The following CLNK variants were observed in gnomAD, a reference collection of about 807,000 sequenced individuals.
CLNK encodes the protein cytokine-dependent hematopoietic cell linker.
CLNK carries 74 observed loss-of-function variants against 68.6 expected under a neutral mutation model. The observed-to-expected ratio is 1.08, with a 90% CI of 0.89 to 1.31. The LOEUF is 1.31. CLNK is among the 50% of genes most tolerant of loss of function. The probability of loss-of-function intolerance (pLI) is 0.00; values close to 1 mark genes in which losing one functional copy is unlikely to be tolerated. For synonymous variants in CLNK, 198 were observed against 172.2 expected (o/e 1.15, Z -1.17); for missense variants, 553 against 515.3 (o/e 1.07, Z -0.71).
intron 14 of CLNK, among the ~76,000 whole-genome samples, chr4:10,523,446 G>T (rs544087572): frequency 1.3e-5 from 2 of 152,120 alleles, no homozygotes; most frequent in African/African-American, 2.4e-5. Flanking sequence ...ATGTGATTAC[G>T]CAGGCCTTAG....
chr4:10,544,395 A>G (rs1032939375), intron 8 of CLNK, among the ~76,000 whole-genome samples: 2 of 152,248 alleles, frequency 1.3e-5, no homozygotes, highest in Non-Finnish European at 2.9e-5. Context: ...TATAACACCA[A>G]CAAATAAAGT....
chr4:10,665,959 G>A (rs1274348034), intron 2 of CLNK, among the ~76,000 whole-genome samples: 5 of 152,156 alleles, frequency 3.3e-5, no homozygotes, highest in Admixed American at 3.3e-4. Context: ...GACTATCCAG[G>A]TGACCCCTAA....
the CLNK span, among the ~76,000 whole-genome samples, chr4:10,723,541 T>C: frequency 6.6e-6 from 1 of 152,114 alleles, no homozygotes; most frequent in East Asian, 1.9e-4. Context: ...AAGAAAGTGT[T>C]TGGGAAACTG....
intron 2 of CLNK, among the ~76,000 whole-genome samples, chr4:10,650,942 T>C (rs1560262612): frequency 6.6e-6 from 1 of 151,898 alleles, no homozygotes; most frequent in African/African-American, 2.4e-5. Flanking sequence ...TCAACAAACA[T>C]GAAAAAAACC....
At chr4:10,539,525 C>A (rs558572982) in intron 11 of CLNK, among the ~76,000 whole-genome samples, 12 of 152,138 alleles carry the variant, frequency 7.9e-5, no homozygotes, top group Non-Finnish European at 1.5e-4. Context: ...TCATTCTATG[C>A]AGAAACAAGG....
At chr4:10,663,697 A>G (rs56040324) in intron 2 of CLNK, among the ~76,000 whole-genome samples, 1,603 of 152,256 alleles carry the variant, frequency 0.011, 14 homozygotes, top group Middle Eastern at 0.017. Flanking sequence ...TAAAATTTTC[A>G]TTGTAAAAGT....
Position 10,571,738 on chromosome 4 carries a change from T to C in CLNK, c.150+3A>G. The C allele has an allele frequency of 6.2e-7, 1 of 1,611,568 alleles. No homozygotes were observed. Among genetic ancestry groups the C allele is most frequent in the African/African-American group, 1.3e-5 (1 of 75,002 alleles). ...AAATAGATAAGGGAAGCAGCTGACT[T>C]ACCCAGTCTAGAAGAGGCTTGTTCA... On this transcript the variant is annotated splice_donor_region_variant and intron_variant, in intron 5 of 18. Transcript: ENST00000226951.
intron 16 of CLNK, among the ~76,000 whole-genome samples, chr4:10,512,283 T>G (rs1164181965): frequency 1.3e-5 from 2 of 150,840 alleles, no homozygotes; most frequent in Admixed American, 6.7e-5. Flanking sequence ...CAGGCTGGAG[T>G]GCAGTAGTGA....
intron 2 of CLNK, among the ~76,000 whole-genome samples, chr4:10,664,493 G>T (rs895200331): frequency 6.6e-6 from 1 of 152,194 alleles, no homozygotes; most frequent in Non-Finnish European, 1.5e-5. Flanking sequence ...CTGACATGTG[G>T]CTCCTTCTCT....
At chr4:10,689,412 G>C (rs1725384377), upstream of CLNK, among the ~76,000 whole-genome samples, 1 of 152,152 alleles carries the variant, frequency 6.6e-6, no homozygotes, top group South Asian at 2.1e-4. Flanking sequence ...TGGGGTTACA[G>C]GCGTGAGCCA....
At chr4:10,589,549 T>C (rs1721109030) in intron 3 of CLNK, among the ~76,000 whole-genome samples, 1 of 145,822 alleles carries the variant, frequency 6.9e-6, no homozygotes, top group Admixed American at 6.8e-5. Context: ...AAACAGGGAA[T>C]GGTGTTGTTA....
intron 15 of CLNK, among the ~76,000 whole-genome samples, chr4:10,513,941 C>T (rs1372954765): frequency 6.9e-6 from 1 of 143,978 alleles, no homozygotes; most frequent in East Asian, 2.0e-4. Context: ...ATGTGCCATG[C>T]TGGTGCGCTG....
At chr4:10,514,691 G>A (rs1363516086) in intron 15 of CLNK, among the ~76,000 whole-genome samples, 1 of 150,838 alleles carries the variant, frequency 6.6e-6, no homozygotes, top group Non-Finnish European at 1.5e-5. Flanking sequence ...ATAGGCGTGG[G>A]CAAGGACTTC....
intron 8 of CLNK, among the ~76,000 whole-genome samples, chr4:10,553,656 G>T (rs749152261): frequency 6.6e-6 from 1 of 152,200 alleles, no homozygotes; most frequent in East Asian, 1.9e-4. Context: ...GTGTCACCAC[G>T]TTGGCCGGGC....
At chr4:10,628,430 G>A (rs1722760236) in intron 2 of CLNK, among the ~76,000 whole-genome samples, 1 of 152,002 alleles carries the variant, frequency 6.6e-6, no homozygotes, top group African/African-American at 2.4e-5. Context: ...TCATTTATGA[G>A]ATTAGTTACA....
At chr4:10,616,709 T>G (rs951006725) in intron 2 of CLNK, among the ~76,000 whole-genome samples, 2 of 151,736 alleles carry the variant, frequency 1.3e-5, no homozygotes, top group Non-Finnish European at 2.9e-5. Context: ...TATTTCATTA[T>G]TATTTGTAAA....
chr4:10,556,019 C>T (rs1452478392), intron 8 of CLNK, among the ~76,000 whole-genome samples: 1 of 152,206 alleles, frequency 6.6e-6, no homozygotes, highest in Non-Finnish European at 1.5e-5. Context: ...CCCCCAAAAG[C>T]CTCAACCTCT....
chr4:10,694,739 G>T, the CLNK span, among the ~76,000 whole-genome samples: 2 of 152,050 alleles, frequency 1.3e-5, no homozygotes, highest in African/African-American at 2.4e-5. Flanking sequence ...TGTTATGGTG[G>T]TATATACTAC....
chr4:10,691,176 T>A, the CLNK span, among the ~76,000 whole-genome samples: 2 of 152,224 alleles, frequency 1.3e-5, no homozygotes. Context: ...TTAATAGGTA[T>A]TGGGATATAC....
Sources: gnomAD v4.1 joint callset for allele counts (sites outside exome capture counted in the v4.1 genomes callset) on GRCh38, gnomAD v4.1.1 for gene constraint, MANE v1.5 for transcripts, NCBI Gene and HGNC (gene_info 2026-07-23, HGNC 2026-07-21) for gene names.